The following HTR1F variants were observed in gnomAD, a reference collection of about 807,000 sequenced individuals.
The protein encoded by HTR1F is 5-hydroxytryptamine (serotonin) receptor 1F, G protein-coupled.
In HTR1F, 17 loss-of-function variants were observed where a neutral mutation model predicts 24.0. That is an observed-to-expected ratio of 0.71 (90% confidence interval 0.48 to 1.06). The LOEUF (loss-of-function observed/expected upper bound fraction) is 1.06. HTR1F is among the 50% of genes least tolerant of loss of function. HTR1F has a pLI of 0.00. For missense variants in HTR1F, 391 were observed against 427.8 expected (o/e 0.91, Z 0.76); for synonymous variants, 186 against 156.8 (o/e 1.19, Z -1.39).
chr3:87,941,632 G>C lies in HTR1F; in HGVS notation c.-42-49076G>C, dbSNP rs574135734. 2.5e-4 allele frequency among the ~76,000 whole-genome samples: 38 copies of C among 152,238 alleles called. No homozygotes were observed. In the South Asian group the frequency reaches 7.9e-3, roughly 32 times the overall value. On this transcript the variant is annotated intron_variant, in intron 2 of 2. Coordinates refer to ENST00000319595, the MANE Select transcript of HTR1F (RefSeq NM_001322209.2). ...AGATGGAGGCTATCCCTGACCCTTG[G>C]AGTAAAACCGTCCAGGTGAGTTGAG...
chr3:87,961,836 T>C (rs1380800803), intron 2 of HTR1F, among the ~76,000 whole-genome samples: 1 of 151,222 alleles, frequency 6.6e-6, no homozygotes, highest in Non-Finnish European at 1.5e-5. Context: ...TTTACAGAAA[T>C]TCTACCAAAT....
At chr3:87,812,726 T>C (rs1462870340) in intron 1 of HTR1F, among the ~76,000 whole-genome samples, 1 of 152,154 alleles carries the variant, frequency 6.6e-6, no homozygotes, top group Non-Finnish European at 1.5e-5. Flanking sequence ...AATGGTTTCT[T>C]GGGCCTGGCC....
intron 2 of HTR1F, among the ~76,000 whole-genome samples, chr3:87,952,399 C>T (rs1704853082): frequency 1.3e-5 from 2 of 151,904 alleles, no homozygotes; most frequent in Non-Finnish European, 2.9e-5. Flanking sequence ...CAATACAATA[C>T]AGATGTTGAT....
rs573235184 is a variant in HTR1F, at chr3:87,972,563, T to G, written c.-42-18145T>G. On this transcript the variant is annotated intron_variant, in intron 2 of 2. Coordinates refer to ENST00000319595, the MANE Select transcript of HTR1F (RefSeq NM_001322209.2). ...CAACTAGACAACTCCATGTGGGCTA[T>G]CTCATGATACCTTAGTCTCAATGTG... Among the ~76,000 whole-genome samples the G allele has an allele frequency of 5.5e-4, 84 of 152,346 alleles. No homozygotes were observed. The South Asian group carries it at 8.3e-3, about 15-fold the overall frequency.
In HTR1F at chr3:87,886,537, G is replaced by A. The variant is rs142971453; in HGVS notation, c.-43+64413G>A. On this transcript the variant is annotated intron_variant, in intron 2 of 2. Coordinates refer to ENST00000319595, the MANE Select transcript of HTR1F (RefSeq NM_001322209.2). ...AATAAAGGGTATTCAGTTAGGAAAAGAGGAAGTCAAATTGTCCCTGTTTGC... is the reference window on the plus strand; with the variant it reads ...AATAAAGGGTATTCAGTTAGGAAAAAAGGAAGTCAAATTGTCCCTGTTTGC... Among the ~76,000 whole-genome samples the A allele has an allele frequency of 3.9e-3, 593 of 152,264 alleles. 7 individuals are homozygous for A. The highest frequency in any genetic ancestry group is 0.014 in the African/African-American group (570 of 41,562).
intron 2 of HTR1F, among the ~76,000 whole-genome samples, chr3:87,898,006 G>T (rs1030285268): frequency 1.5e-4 from 23 of 152,078 alleles, no homozygotes; most frequent in African/African-American, 5.1e-4. Flanking sequence ...GAATGAACAA[G>T]CAGATGAATA....
chr3:87,966,763 T>G (rs1269458335), intron 2 of HTR1F, among the ~76,000 whole-genome samples: 3 of 152,210 alleles, frequency 2.0e-5, no homozygotes, highest in Non-Finnish European at 4.4e-5. Flanking sequence ...TTAAGTACAT[T>G]AACTCATATA....
chr3:87,894,144 G>A (rs755397065), intron 2 of HTR1F, among the ~76,000 whole-genome samples: 5 of 151,994 alleles, frequency 3.3e-5, no homozygotes, highest in African/African-American at 7.3e-5. Flanking sequence ...AGTATGCACC[G>A]AACCTGGATG....
intron 2 of HTR1F, among the ~76,000 whole-genome samples, chr3:87,983,073 G>GTAT (rs933762752): frequency 1.2e-4 from 19 of 152,142 alleles, no homozygotes; most frequent in Non-Finnish European, 2.4e-4. Flanking sequence ...ACAAACTAAC[G>GTAT]GGAACATAAT....
chr3:87,899,896 C>T (rs1386966902), intron 2 of HTR1F, among the ~76,000 whole-genome samples: 2 of 152,090 alleles, frequency 1.3e-5, no homozygotes, highest in African/African-American at 2.4e-5. Context: ...CGCAGTCTAT[C>T]ATTTTATGTG....
At chr3:87,809,917 T>C (rs1056487198) in intron 1 of HTR1F, among the ~76,000 whole-genome samples, 1 of 152,080 alleles carries the variant, frequency 6.6e-6, no homozygotes, top group African/African-American at 2.4e-5. Flanking sequence ...AAAAGCAAAA[T>C]ATTATTAAAT....
chr3:87,883,769 T>C (rs1332355521), intron 2 of HTR1F, among the ~76,000 whole-genome samples: 1 of 151,888 alleles, frequency 6.6e-6, no homozygotes, highest in Non-Finnish European at 1.5e-5. Context: ...ATCAATGAAA[T>C]AAAGCAAGAA....
At chr3:87,834,794 GA>G (rs1461370699) in intron 2 of HTR1F, among the ~76,000 whole-genome samples, 1 of 152,138 alleles carries the variant, frequency 6.6e-6, no homozygotes, top group Non-Finnish European at 1.5e-5. Context: ...AAAATTATAG[GA>G]AATTCAAATT....
At chr3:87,809,768 AC>A (rs1704130487) in intron 1 of HTR1F, among the ~76,000 whole-genome samples, 1 of 152,050 alleles carries the variant, frequency 6.6e-6, no homozygotes, top group Non-Finnish European at 1.5e-5. Context: ...ACTTAAAAAC[AC>A]ATGATTGTCC....
intron 2 of HTR1F, among the ~76,000 whole-genome samples, chr3:87,937,101 G>T (rs1391310942): frequency 3.9e-5 from 3 of 76,984 alleles, no homozygotes; most frequent in South Asian, 3.4e-4. Context: ...AAAAAAAAAA[G>T]AGGACGGACT....
intron 1 of HTR1F, among the ~76,000 whole-genome samples, chr3:87,802,972 G>A (rs1704018345): frequency 6.6e-6 from 1 of 152,116 alleles, no homozygotes; most frequent in Admixed American, 6.6e-5. Context: ...TGCTTGACAA[G>A]CCAAGGAGGA....
intron 2 of HTR1F, among the ~76,000 whole-genome samples, chr3:87,957,187 T>A (rs1440142493): frequency 6.6e-6 from 1 of 151,330 alleles, no homozygotes; most frequent in East Asian, 1.9e-4. Flanking sequence ...TCAGATGGAC[T>A]TTTTTTCTGA....
rs1262766027 is a variant in HTR1F at position 87,902,961 on chromosome 3, A to T, written c.-43+80837A>T. Reference sequence around the variant, plus strand: ...AATGGAACAGAACAGAGCCCTCAGAAATAATGCCGCATATCTACAACTATC... The same window carrying T: ...AATGGAACAGAACAGAGCCCTCAGATATAATGCCGCATATCTACAACTATC... On this transcript the variant is annotated intron_variant, in intron 2 of 2. Transcript: ENST00000319595. Among the ~76,000 whole-genome samples, 5 of 151,858 alleles carry T rather than the reference A, an allele frequency of 3.3e-5. No individual in the cohort carries two copies. In the East Asian group the frequency reaches 9.7e-4, roughly 29 times the overall value.
chr3:87,930,136 T>C (rs1262699385), intron 2 of HTR1F, among the ~76,000 whole-genome samples: 3 of 152,202 alleles, frequency 2.0e-5, no homozygotes, highest in East Asian at 3.8e-4. Context: ...ATTGATTTTG[T>C]ATCCTGAGAC....
Sources: allele counts gnomAD v4.1 joint callset (sites outside exome capture counted in the v4.1 genomes callset), GRCh38; gene constraint gnomAD v4.1.1; transcripts MANE v1.5; gene names NCBI Gene and HGNC (gene_info 2026-07-23, HGNC 2026-07-21).